The following LPCAT1 variants were observed in gnomAD, a reference collection of about 807,000 sequenced individuals.
LPCAT1 encodes 1-acylglycerol-3-phosphate O-acyltransferase.
In LPCAT1, 23 loss-of-function variants were observed where a neutral mutation model predicts 60.9. The ratio of observed to expected loss-of-function variants is 0.38; its 90% CI spans 0.27 to 0.53. LPCAT1 has a LOEUF of 0.53. Ranked by LOEUF, LPCAT1 falls within the 20% of genes least tolerant of loss-of-function variation. The pLI, the probability that LPCAT1 is intolerant of heterozygous loss-of-function variation, is 0.82. For synonymous variants in LPCAT1, 340 were observed against 301.1 expected (o/e 1.13, Z -1.34); for missense variants, 622 against 723.6 (o/e 0.86, Z 1.61).
At chr5:1,499,212 G>T (rs1209339092) in intron 2 of LPCAT1, among the ~76,000 whole-genome samples, 3 of 152,224 alleles carry the variant, frequency 2.0e-5, no homozygotes, top group African/African-American at 7.2e-5. Context: ...ACGGAAAATT[G>T]CCCCAAGCCA....
intron 3 of LPCAT1, among the ~76,000 whole-genome samples, chr5:1,493,804 C>A (rs1735677911): frequency 1.3e-5 from 2 of 152,232 alleles, no homozygotes; most frequent in Admixed American, 1.3e-4. Flanking sequence ...ACATGCTGAC[C>A]CTGGAACCTG....
In LPCAT1 at chr5:1,481,275, T is replaced by C. The variant is rs567936674; in HGVS notation, c.727-299A>G. Among the ~76,000 whole-genome samples, 4 of 152,186 alleles carry C rather than the reference T, an allele frequency of 2.6e-5. No individual in the cohort carries two copies. The South Asian group carries it at 6.2e-4, about 24-fold the overall frequency. ...CCTGAGGACTCAGAGCCCCCTCTTA[T>C]AGGTTCCCAGAGCCCCTAGAACCTG... is the stretch of plus-strand genomic sequence containing the variant. On this transcript the variant is annotated intron_variant, in intron 6 of 13. Transcript: ENST00000283415. This position sits in a 1 kb window ranked among gnomAD's most constrained non-coding sequence, Gnocchi z 7.8.
intron 12 of LPCAT1, among the ~76,000 whole-genome samples, chr5:1,469,322 A>G (rs27051): frequency 0.26 from 39,160 of 152,050 alleles, 5,184 homozygotes; most frequent in East Asian, 0.38. Flanking sequence ...CCTCAACCCT[A>G]CCACAGCCAG....
intron 1 of LPCAT1, among the ~76,000 whole-genome samples, chr5:1,512,319 G>C (rs1010011826): frequency 6.6e-6 from 1 of 152,206 alleles, no homozygotes; most frequent in East Asian, 1.9e-4. Context: ...CGGAGTCACT[G>C]TCAGCTCTGC....
chr5:1,464,755 A>G (rs1160572610), intron 13 of LPCAT1, among the ~76,000 whole-genome samples: 4 of 140,226 alleles, frequency 2.9e-5, no homozygotes, highest in Admixed American at 7.1e-5. Flanking sequence ...CACACACAAA[A>G]CAAGCACACA....
intron 4 of LPCAT1, 41 bp from the exon 5 acceptor site, chr5:1,488,492 C>A (rs1403248621): frequency 7.4e-7 from 1 of 1,343,088 alleles, no homozygotes; most frequent in Non-Finnish European, 1.0e-6. Context: ...TTAAACTGTA[C>A]ATAATTATAA....
intron 3 of LPCAT1, among the ~76,000 whole-genome samples, chr5:1,490,155 G>A (rs1735520724): frequency 2.0e-5 from 3 of 152,186 alleles, no homozygotes; most frequent in South Asian, 2.1e-4. Context: ...AAAGACAACC[G>A]CCAGGAAGCA....
In LPCAT1 at chr5:1,489,671, T is replaced by C. The variant is rs1387897743; in HGVS notation, c.606+75A>G. 4 of 1,107,716 alleles carry C rather than the reference T, an allele frequency of 3.6e-6. No homozygotes were observed. The African/African-American group carries it at 6.2e-5, about 17-fold the overall frequency. The allele number at this position is 1,107,716 out of a possible 1,614,324, so 68.6% of individuals were successfully genotyped here. ...CAGCCCCGGAGGAAGGGCCCCAGTTTCTTTCTCCCCACTCGCGAAGTTCGC... is the reference window on the plus strand; with the variant it reads ...CAGCCCCGGAGGAAGGGCCCCAGTTCCTTTCTCCCCACTCGCGAAGTTCGC... On this transcript the variant is annotated intron_variant, in intron 4 of 13. Transcript: ENST00000283415.
intron 12 of LPCAT1, among the ~76,000 whole-genome samples, chr5:1,470,455 C>G (rs917032357): frequency 2.6e-5 from 4 of 152,182 alleles, no homozygotes; most frequent in African/African-American, 9.7e-5. Context: ...GTGGGCAGCT[C>G]CTAAGCCGTG....
In LPCAT1 at chr5:1,481,093, G is replaced by A. The variant is rs1735122658; in HGVS notation, c.727-117C>T. 25 of 1,265,350 alleles carry A rather than the reference G, an allele frequency of 2.0e-5. No individual in the cohort carries two copies. The South Asian group carries it at 2.7e-4, about 14-fold the overall frequency. 78.4% of individuals were successfully genotyped at this position (1,265,350 alleles called of 1,614,324 possible). A position where few individuals can be genotyped will look rare whatever the true frequency, so the allele number is the denominator to read the frequency against. On this transcript the variant is annotated intron_variant, in intron 6 of 13. Coordinates refer to ENST00000283415, the MANE Select transcript of LPCAT1 (RefSeq NM_024830.5). This position sits in a 1 kb window ranked among gnomAD's most constrained non-coding sequence, Gnocchi z 7.8. The stretch of plus-strand genomic sequence containing the variant: ...CCACCCCACAGAGGCGCTGCAGCCA[G>A]GGGGAAGGGAGGAGGGTGCTAGAGC...
chr5:1,473,590 C>A (rs958789294), intron 11 of LPCAT1, among the ~76,000 whole-genome samples: 4 of 152,286 alleles, frequency 2.6e-5, no homozygotes, highest in South Asian at 2.1e-4. Flanking sequence ...AGAGGACGGG[C>A]GTGTTATTAG....
chr5:1,511,582 G>T (rs111477876), intron 1 of LPCAT1, among the ~76,000 whole-genome samples: 1 of 150,810 alleles, frequency 6.6e-6, no homozygotes, highest in Admixed American at 6.6e-5. Context: ...CTCACCCTAC[G>T]TGGGGATGTC....
intron 4 of LPCAT1, among the ~76,000 whole-genome samples, 198 bp downstream of exon 4, chr5:1,489,548 T>G (rs1295102140): frequency 6.6e-6 from 1 of 152,232 alleles, no homozygotes; most frequent in African/African-American, 2.4e-5. Flanking sequence ...AGAATTGTTT[T>G]TCTTTACTTT....
At chr5:1,494,414 T>TGGG (rs35251440) in intron 3 of LPCAT1, among the ~76,000 whole-genome samples, 48 of 133,224 alleles carry the variant, frequency 3.6e-4, no homozygotes, top group Middle Eastern at 7.8e-3. Flanking sequence ...AGCAGCGTGG[T>TGGG]GGGGGGGGGG....
At chr5:1,492,199 TG>T (rs1735611406) in intron 3 of LPCAT1, among the ~76,000 whole-genome samples, 3 of 140,104 alleles carry the variant, frequency 2.1e-5, no homozygotes, top group Admixed American at 7.1e-5. Flanking sequence ...TGAGCTGGGA[TG>T]GGGGAAGATT....
rs760041233 is a variant in LPCAT1 at position 1,470,808 on chromosome 5, T to C, written c.1278+18A>G. ...CCGCCCTGTCCCCCAGTCAAACCCA[T>C]GTGAACTCTGCACTCACCTTGAAAG... On this transcript the variant is annotated intron_variant, in intron 12 of 13. Coordinates refer to ENST00000283415, the MANE Select transcript of LPCAT1 (RefSeq NM_024830.5). 2.5e-6 allele frequency: 4 copies of C among 1,608,992 alleles called. No homozygotes were observed. The African/African-American group carries it at 4.0e-5, about 16-fold the overall frequency.
In LPCAT1 at chr5:1,497,000, T is replaced by A. The variant is rs370245828; in HGVS notation, c.279-2086A>T. Among the ~76,000 whole-genome samples, 7 of 152,156 alleles carry A rather than the reference T, an allele frequency of 4.6e-5. No individual in the cohort carries two copies. The South Asian group carries it at 6.2e-4, about 14-fold the overall frequency. ...GGAAATCCACTCCGTCCTACCGCCC[T>A]CACACGGACGACACCCAAGAATCCT... On this transcript the variant is annotated intron_variant, in intron 2 of 13. Coordinates refer to ENST00000283415, the MANE Select transcript of LPCAT1 (RefSeq NM_024830.5). The surrounding 1 kb of genome is among the most constrained non-coding windows in gnomAD (Gnocchi z 4.7).
At chr5:1,501,355 A>T (rs1225453070) in intron 2 of LPCAT1, 106 bp downstream of exon 2, 15 of 1,428,162 alleles carry the variant, frequency 1.1e-5, no homozygotes, top group Middle Eastern at 5.0e-4. Context: ...AGGGAAGGAC[A>T]GATGGGCTAG....
intron 1 of LPCAT1, among the ~76,000 whole-genome samples, chr5:1,501,881 T>C (rs1736027366): frequency 6.6e-6 from 1 of 151,992 alleles, no homozygotes; most frequent in Non-Finnish European, 1.5e-5. Flanking sequence ...TGACCAACAT[T>C]GACCGGCACT....
Sources: allele counts gnomAD v4.1 joint callset (sites outside exome capture counted in the v4.1 genomes callset), GRCh38; gene constraint gnomAD v4.1.1; non-coding constraint Gnocchi (gnomAD v3.1); transcripts MANE v1.5; gene names NCBI Gene and HGNC (gene_info 2026-07-23, HGNC 2026-07-21).